TYW1: variants seen among roughly 807,000 people sequenced by gnomAD.
The protein encoded by TYW1 is S-adenosyl-L-methionine-dependent tRNA 4-demethylwyosine synthase TYW1.
Under a neutral mutation model 96.2 loss-of-function variants are expected in TYW1, and 46 were observed. The observed-to-expected ratio is 0.48, with a 90% CI of 0.38 to 0.61. The LOEUF (loss-of-function observed/expected upper bound fraction) is 0.61. TYW1 is among the 20% of genes least tolerant of loss of function. The pLI is 0.00. For synonymous variants in TYW1, 274 were observed against 323.0 expected (o/e 0.85, Z 1.63); for missense variants, 684 against 909.6 (o/e 0.75, Z 3.19).
At position 67,014,656 on chromosome 7, in the gene TYW1, CACAT is replaced by C. The variant is rs1407748767; in HGVS notation, c.570+97_570+100del. 13 of 1,366,306 alleles carry C rather than the reference CACAT, an allele frequency of 9.5e-6. No individual in the cohort carries two copies. In the East Asian group the frequency reaches 1.2e-4, roughly 13 times the overall value. The allele number at this position is 1,366,306 out of a possible 1,614,324, so 84.6% of individuals were successfully genotyped here. A position where few individuals can be genotyped will look rare whatever the true frequency, so the allele number is the denominator to read the frequency against. On this transcript the variant is annotated intron_variant, in intron 5 of 15. Transcript: ENST00000359626. ...ACACACACGTGCACACACGCACACA[CACAT>C]AAACACACATGTATGTGAAATAATC...
At chr7:67,015,703 C>G (rs1450343752) in intron 5 of TYW1, among the ~76,000 whole-genome samples, 3 of 152,168 alleles carry the variant, frequency 2.0e-5, no homozygotes, top group Admixed American at 2.0e-4. Flanking sequence ...TGGCTCACGC[C>G]TGTAATCCCA....
intron 5 of TYW1, among the ~76,000 whole-genome samples, chr7:67,015,126 C>T (rs777984243): frequency 6.6e-6 from 1 of 151,936 alleles, no homozygotes; most frequent in Non-Finnish European, 1.5e-5. Context: ...ATCAGCCTCC[C>T]GAGTAGCTGG....
chr7:67,234,407 C>T (rs1166139886), intron 15 of TYW1, among the ~76,000 whole-genome samples: 2 of 150,156 alleles, frequency 1.3e-5, no homozygotes, highest in Admixed American at 6.7e-5. Context: ...CTTGCTCACT[C>T]ACTTTCCGTG....
Position 67,017,882 on chromosome 7 carries a change from G to T in TYW1, c.600G>T (p.Trp200Cys), listed in dbSNP as rs1433519053. ...GCAAAAATGTTGACAAGTGGCTCTGGATGCTTGGCGCGCATCGTGTGATGA... is the reference window on the plus strand; with the variant it reads ...GCAAAAATGTTGACAAGTGGCTCTGTATGCTTGGCGCGCATCGTGTGATGA... ...KVGKNVDKWL[W>C]MLGAHRVMSR... is the part of the protein sequence containing the mutation. Residue 200 changes from tryptophan to cysteine, a missense_variant, in exon 6 of 16, where the codon TGG becomes TGT. Transcript: ENST00000359626. 6.2e-7 allele frequency: 1 copy of T among 1,613,508 alleles called. No homozygotes were observed. Among genetic ancestry groups the T allele is most frequent in the African/African-American group, 1.3e-5 (1 of 75,034 alleles).
At chr7:67,151,856 G>C (rs1177322943) in intron 13 of TYW1, among the ~76,000 whole-genome samples, 1 of 152,010 alleles carries the variant, frequency 6.6e-6, no homozygotes, top group Non-Finnish European at 1.5e-5. Context: ...GACCAGGCTG[G>C]GGTGCAATGG....
rs1164500508 is a variant in TYW1 at position 67,180,386 on chromosome 7, TTATATATATATATATATATTTA to T, written c.1699-2723_1699-2702del. Among the ~76,000 whole-genome samples the T allele has an allele frequency of 1.7e-4, 19 of 111,592 alleles. 5 individuals carry two copies. Among genetic ancestry groups the T allele is most frequent in the Non-Finnish European group, 2.3e-4 (13 of 56,134 alleles). 73.2% of individuals were successfully genotyped at this position (111,592 alleles called of 152,430 possible). A position where few individuals can be genotyped will look rare whatever the true frequency, so the allele number is the denominator to read the frequency against. ...ACCGTATCCTTGGAAAGCTGTTGGTTTATATATATATATATATATTTATATATATATATATATAATTTTTTTT... is the reference window on the plus strand; with the variant it reads ...ACCGTATCCTTGGAAAGCTGTTGGTTTATATATATATATATAATTTTTTTT... On this transcript the variant is annotated intron_variant, in intron 13 of 15. Coordinates refer to ENST00000359626, the MANE Select transcript of TYW1 (RefSeq NM_018264.4).
At chr7:67,132,788 T>A (rs1401709398) in intron 13 of TYW1, among the ~76,000 whole-genome samples, 1 of 152,204 alleles carries the variant, frequency 6.6e-6, no homozygotes, top group Non-Finnish European at 1.5e-5. Context: ...TTCATATTGT[T>A]ATATTTAGCT....
chr7:67,042,553 G>A (rs2129257137), intron 7 of TYW1, among the ~76,000 whole-genome samples: 1 of 152,274 alleles, frequency 6.6e-6, no homozygotes, highest in East Asian at 1.9e-4. Context: ...CATAGAGAAG[G>A]AAGATGGGGT....
At chr7:67,123,000 G>A (rs1266784864) in intron 13 of TYW1, among the ~76,000 whole-genome samples, 3 of 152,178 alleles carry the variant, frequency 2.0e-5, no homozygotes, top group Admixed American at 2.0e-4. Context: ...ATTAAATCAT[G>A]GCATGGCCTT....
intron 15 of TYW1, among the ~76,000 whole-genome samples, chr7:67,229,154 C>T (rs1201798300): frequency 6.6e-6 from 1 of 152,184 alleles, no homozygotes; most frequent in Non-Finnish European, 1.5e-5. Flanking sequence ...TTGTGCTGTA[C>T]TTGAGTAGAG....
intron 13 of TYW1, among the ~76,000 whole-genome samples, chr7:67,153,275 G>A (rs141785481): frequency 0.038 from 5,800 of 152,206 alleles, 305 homozygotes; most frequent in East Asian, 0.16. Flanking sequence ...GGCCAACATG[G>A]CAAAGCCCCA....
At chr7:67,155,544 C>G (rs1364220780) in intron 13 of TYW1, among the ~76,000 whole-genome samples, 1 of 148,560 alleles carries the variant, frequency 6.7e-6, no homozygotes, top group Non-Finnish European at 1.5e-5. Flanking sequence ...CATAAATTAC[C>G]CAGCTTTAGG....
chr7:67,089,695 G>A (rs1434617171), intron 11 of TYW1, among the ~76,000 whole-genome samples: 1 of 152,170 alleles, frequency 6.6e-6, no homozygotes, highest in Non-Finnish European at 1.5e-5. Flanking sequence ...TGTTTTCAAT[G>A]CTTGTCTTTT....
Position 67,126,385 on chromosome 7 carries a change from A to G in TYW1, c.1698+8767A>G, listed in dbSNP as rs151244749. Among the ~76,000 whole-genome samples the G allele has an allele frequency of 2.2e-4, 33 of 152,068 alleles. No homozygotes were observed. The East Asian group carries it at 6.4e-3, about 29-fold the overall frequency. Reference sequence around the variant, plus strand: ...TTCTTTGTATATTTTGGAGTCCTTTATCAGATATGTCTTTTGCAAATGTGT... The same window carrying G: ...TTCTTTGTATATTTTGGAGTCCTTTGTCAGATATGTCTTTTGCAAATGTGT... On this transcript the variant is annotated intron_variant, in intron 13 of 15. Coordinates refer to ENST00000359626, the MANE Select transcript of TYW1 (RefSeq NM_018264.4).
intron 13 of TYW1, among the ~76,000 whole-genome samples, chr7:67,130,155 T>A (rs1472428798): frequency 6.6e-6 from 1 of 151,356 alleles, no homozygotes; most frequent in Non-Finnish European, 1.5e-5. Flanking sequence ...CTGAGGTGGG[T>A]GGATCACCTG....
intron 12 of TYW1, among the ~76,000 whole-genome samples, chr7:67,103,412 A>G (rs994061676): frequency 6.6e-6 from 1 of 152,216 alleles, no homozygotes; most frequent in African/African-American, 2.4e-5. Flanking sequence ...AAACAAAATG[A>G]TTAGGATTGC....
chr7:67,083,809 T>C (rs560025046), intron 11 of TYW1, among the ~76,000 whole-genome samples: 4 of 152,184 alleles, frequency 2.6e-5, no homozygotes, highest in African/African-American at 9.6e-5. Context: ...CCGAGGCGGG[T>C]GGATCACCTG....
rs183259411 is a variant in TYW1, at chr7:67,155,236, C to G, written c.1699-27890C>G. 6.6e-5 allele frequency among the ~76,000 whole-genome samples: 10 copies of G among 152,246 alleles called. No individual in the cohort carries two copies. In the East Asian group the frequency reaches 1.9e-3, roughly 29 times the overall value. ...AAATCTCATGTTGAAATGTGATCCC[C>G]AATGTTGGAGGTGGGGCCTGGTAGA... On this transcript the variant is annotated intron_variant, in intron 13 of 15. Transcript: ENST00000359626.
At chr7:67,076,909 G>A (rs919622896) in intron 10 of TYW1, among the ~76,000 whole-genome samples, 1 of 151,792 alleles carries the variant, frequency 6.6e-6, no homozygotes, top group African/African-American at 2.4e-5. Context: ...TGACTAACTG[G>A]GATTACAGGC....
Sources: gnomAD v4.1 joint callset for allele counts (sites outside exome capture counted in the v4.1 genomes callset) on GRCh38, gnomAD v4.1.1 for gene constraint, MANE v1.5 for transcripts, NCBI Gene and HGNC (gene_info 2026-07-23, HGNC 2026-07-21) for gene names.